The following SETBP1 variants were observed in gnomAD, a reference collection of about 807,000 sequenced individuals.
The protein encoded by SETBP1 is SET-binding protein.
Under a neutral mutation model 101.0 loss-of-function variants are expected in SETBP1, and 9 were observed. The observed-to-expected ratio is 0.09, with a 90% CI of 0.05 to 0.16. The LOEUF is 0.16. Among genes scored for constraint, SETBP1 ranks in the 10% least tolerant of loss-of-function variants. The probability of loss-of-function intolerance (pLI) is 1.00; values close to 1 mark genes in which losing one functional copy is unlikely to be tolerated. For synonymous variants in SETBP1, 818 were observed against 788.5 expected, an observed-to-expected ratio of 1.04 and a Z score of -0.63; for missense variants, 1,858 against 2,033.8, an observed-to-expected ratio of 0.91 and a Z score of 1.66.
chr18:44,869,647 G>A, intron 3 of SETBP1: 1 of 348,390 alleles, frequency 2.9e-6, no homozygotes, highest in Non-Finnish European at 5.6e-6. Flanking sequence ...TTTTGGACAG[G>A]ACACTCGCAT....
chr18:44,768,537 A>C (rs961045528), intron 2 of SETBP1, among the ~76,000 whole-genome samples: 1 of 152,204 alleles, frequency 6.6e-6, no homozygotes, highest in Non-Finnish European at 1.5e-5. Flanking sequence ...TTACAATACA[A>C]GTTGTTCCAT....
Position 44,941,730 on chromosome 18 carries a change from A to G in SETBP1, c.541-8151A>G, listed in dbSNP as rs185503553. ...ATGTTTACTCAACTTCTCTTTTGCA[A>G]TGTCCTAGAATCTGTTAAGCAACTC... On this transcript the variant is annotated intron_variant, in intron 3 of 5. Coordinates refer to ENST00000649279, the MANE Select transcript of SETBP1 (RefSeq NM_015559.3). Among the ~76,000 whole-genome samples the G allele has an allele frequency of 1.1e-4, 16 of 148,814 alleles. 1 individual carries two copies. Among genetic ancestry groups the G allele is most frequent in the African/African-American group, 2.5e-4 (10 of 40,782 alleles).
intron 3 of SETBP1, among the ~76,000 whole-genome samples, chr18:44,880,930 T>C (rs2069517429): frequency 1.3e-5 from 2 of 152,172 alleles, no homozygotes; most frequent in South Asian, 4.1e-4. Flanking sequence ...ATGGTGTAAA[T>C]ACAGTCTGTG....
intron 2 of SETBP1, among the ~76,000 whole-genome samples, chr18:44,814,493 A>G (rs1345487844): frequency 6.6e-6 from 1 of 152,368 alleles, no homozygotes; most frequent in Non-Finnish European, 1.5e-5. Flanking sequence ...CAAAGCAGAC[A>G]TACTGTCTGT....
intron 3 of SETBP1, among the ~76,000 whole-genome samples, chr18:44,924,927 G>C (rs775322483): frequency 6.6e-6 from 1 of 150,832 alleles, no homozygotes; most frequent in African/African-American, 2.4e-5. Flanking sequence ...CAGGACGGCA[G>C]TTCAGGATAG....
intron 2 of SETBP1, among the ~76,000 whole-genome samples, chr18:44,715,943 A>G (rs1246308659): frequency 1.3e-5 from 2 of 152,062 alleles, no homozygotes; most frequent in East Asian, 3.9e-4. Flanking sequence ...CTCTTTGCCC[A>G]TCTTTGTCAC....
intron 4 of SETBP1, among the ~76,000 whole-genome samples, chr18:44,957,554 G>T (rs2071516069): frequency 6.6e-6 from 1 of 152,142 alleles, no homozygotes; most frequent in African/African-American, 2.4e-5. Flanking sequence ...CTGCCATGTA[G>T]GTAGCTGGAT....
At chr18:44,961,477 G>A (rs1348407380) in intron 4 of SETBP1, among the ~76,000 whole-genome samples, 1 of 152,160 alleles carries the variant, frequency 6.6e-6, no homozygotes, top group African/African-American at 2.4e-5. Context: ...TGCAGAAAAT[G>A]AAAACATTGC....
chr18:44,877,638 C>G (rs968057674), intron 3 of SETBP1, among the ~76,000 whole-genome samples: 2 of 152,160 alleles, frequency 1.3e-5, no homozygotes, highest in African/African-American at 4.8e-5. Flanking sequence ...AAATATTTGC[C>G]CACGTGCATA....
intron 2 of SETBP1, among the ~76,000 whole-genome samples, chr18:44,728,211 A>G (rs958829042): frequency 2.6e-5 from 4 of 152,200 alleles, no homozygotes; most frequent in Non-Finnish European, 4.4e-5. Context: ...TGTCTGATTT[A>G]TTCCAGAGAG....
At chr18:44,873,240 T>C in intron 3 of SETBP1, among the ~76,000 whole-genome samples, 1 of 152,188 alleles carries the variant, frequency 6.6e-6, no homozygotes, top group East Asian at 1.9e-4. Context: ...ATGTTGACAA[T>C]TCTGAAATGT....
intron 2 of SETBP1, among the ~76,000 whole-genome samples, chr18:44,742,977 CT>C (rs147025413): frequency 0.23 from 30,149 of 132,762 alleles, 3,258 homozygotes; most frequent in Non-Finnish European, 0.27. Context: ...CTCTCCCCCC[CT>C]GTCCCGTTAC....
chr18:44,820,173 G>A (rs1363671351), intron 2 of SETBP1, among the ~76,000 whole-genome samples: 1 of 152,344 alleles, frequency 6.6e-6, no homozygotes, highest in Admixed American at 6.5e-5. Flanking sequence ...CCAGCTGAGC[G>A]CCACGTGGCG....
At chr18:44,817,580 G>A (rs1599168648) in intron 2 of SETBP1, among the ~76,000 whole-genome samples, 1 of 151,840 alleles carries the variant, frequency 6.6e-6, no homozygotes, top group African/African-American at 2.4e-5. Flanking sequence ...AGCTAATCGG[G>A]AGACTGAGAC....
At chr18:44,984,748 T>C (rs1332187323) in intron 4 of SETBP1, among the ~76,000 whole-genome samples, 1 of 152,244 alleles carries the variant, frequency 6.6e-6, no homozygotes. Flanking sequence ...GTTATCATGT[T>C]ACTAATTATT....
rs1354493924 is a variant in SETBP1 at position 45,063,899 on chromosome 18, G to A, written c.*201G>A. 1.8e-6 allele frequency: 1 copy of A among 567,450 alleles called. No homozygotes were observed. The highest frequency in any genetic ancestry group is 3.2e-6 in the Non-Finnish European group (1 of 317,296). 35.2% of individuals were successfully genotyped at this position (567,450 alleles called of 1,614,324 possible). A position where few individuals can be genotyped will look rare whatever the true frequency, so the allele number is the denominator to read the frequency against. On this transcript the variant is annotated 3_prime_UTR_variant, in exon 6 of 6. Transcript: ENST00000649279. The stretch of plus-strand genomic sequence containing the variant: ...GCAAAGCAGGGAGACACCTTCAGAA[G>A]AAGCTTGTCTGAGCTTCACCGCAGC...
chr18:44,760,193 A>G (rs552104925), intron 2 of SETBP1, among the ~76,000 whole-genome samples: 2 of 152,352 alleles, frequency 1.3e-5, no homozygotes, highest in East Asian at 1.9e-4. Context: ...AGGTGGCCAT[A>G]TAGAATATTT....
At chr18:44,767,865 A>G (rs949995994) in intron 2 of SETBP1, among the ~76,000 whole-genome samples, 1 of 152,224 alleles carries the variant, frequency 6.6e-6, no homozygotes, top group Admixed American at 6.5e-5. Context: ...CTCAGCACCC[A>G]ATCTTCTGCC....
chr18:44,762,833 T>C (rs1175327123), intron 2 of SETBP1, among the ~76,000 whole-genome samples: 1 of 152,276 alleles, frequency 6.6e-6, no homozygotes, highest in Non-Finnish European at 1.5e-5. Flanking sequence ...AACTCAACTA[T>C]TGACTTGCTT....
Sources: gnomAD v4.1 joint callset for allele counts (sites outside exome capture counted in the v4.1 genomes callset) on GRCh38, gnomAD v4.1.1 for gene constraint, MANE v1.5 for transcripts, NCBI Gene and HGNC (gene_info 2026-07-23, HGNC 2026-07-21) for gene names.